The following GNAQ variants were observed in gnomAD, a reference collection of about 807,000 sequenced individuals.
GNAQ encodes G protein subunit alpha q.
In GNAQ, 8 loss-of-function variants were observed where a neutral mutation model predicts 43.9. The observed-to-expected ratio is 0.18, with a 90% CI of 0.11 to 0.33. The LOEUF is 0.33. Ranked by LOEUF, GNAQ falls within the 10% of genes least tolerant of loss-of-function variation. The pLI is 1.00. For missense variants in GNAQ, 158 were observed against 450.8 expected (o/e 0.35, Z 5.88); for synonymous variants, 155 against 170.7 (o/e 0.91, Z 0.71).
At chr9:77,791,554 T>C (rs1826574587) in intron 5 of GNAQ, among the ~76,000 whole-genome samples, 1 of 152,194 alleles carries the variant, frequency 6.6e-6, no homozygotes, top group Non-Finnish European at 1.5e-5. Flanking sequence ...CACTATTTGA[T>C]AATGTATTTC....
intron 1 of GNAQ, among the ~76,000 whole-genome samples, chr9:77,938,770 G>A (rs1829270867): frequency 6.6e-6 from 1 of 152,174 alleles, no homozygotes; most frequent in African/African-American, 2.4e-5. Context: ...GTGTTACGTT[G>A]TCAAACGCAT....
Position 77,772,618 on chromosome 9 carries a change from A to T in GNAQ, c.735+21845T>A, listed in dbSNP as rs539077695. Among the ~76,000 whole-genome samples, 13 of 152,332 alleles carry T rather than the reference A, an allele frequency of 8.5e-5. No individual in the cohort carries two copies. The South Asian group carries it at 2.7e-3, about 32-fold the overall frequency. ...TTTGAGGAGAAACAAAACAAAAATC[A>T]GAAGAGAGAAAGAGATTCCCAACCA... On this transcript the variant is annotated intron_variant, in intron 5 of 6. Transcript: ENST00000286548.
chr9:77,801,669 T>G (rs1224224680), intron 3 of GNAQ, among the ~76,000 whole-genome samples: 2 of 152,190 alleles, frequency 1.3e-5, no homozygotes, highest in Non-Finnish European at 2.9e-5. Context: ...TAAGAGGAAC[T>G]GTATCTAGCT....
intron 5 of GNAQ, among the ~76,000 whole-genome samples, chr9:77,771,515 G>A (rs1000341573): frequency 6.6e-6 from 1 of 151,754 alleles, no homozygotes; most frequent in Non-Finnish European, 1.5e-5. Flanking sequence ...TAAGTATCAC[G>A]TGCTCTGTGA....
chr9:77,756,233 C>A (rs555770614), intron 5 of GNAQ, among the ~76,000 whole-genome samples: 1 of 152,188 alleles, frequency 6.6e-6, no homozygotes, highest in Admixed American at 6.5e-5. Flanking sequence ...ATAAACTCCC[C>A]GTTATGTATA....
chr9:77,753,121 AG>A (rs1015269166), intron 5 of GNAQ, among the ~76,000 whole-genome samples: 3 of 151,762 alleles, frequency 2.0e-5, no homozygotes, highest in African/African-American at 7.3e-5. Flanking sequence ...AAGGAAAAAA[AG>A]AAGATTTAGT....
chr9:77,755,717 T>C (rs1825891722), intron 5 of GNAQ, among the ~76,000 whole-genome samples: 1 of 152,206 alleles, frequency 6.6e-6, no homozygotes, highest in Non-Finnish European at 1.5e-5. Flanking sequence ...ATTGGTGCAT[T>C]TCCGGTTGTA....
In GNAQ at chr9:77,887,172, A is replaced by G. The variant is rs546161629; in HGVS notation, c.321+34989T>C. ...TAAAGTAAAATAAAATAAAATATGC[A>G]GTTGCTTAGAGAAGCTGAGCAGGGT... On this transcript the variant is annotated intron_variant, in intron 2 of 6. Transcript: ENST00000286548. Among the ~76,000 whole-genome samples the G allele has an allele frequency of 1.6e-4, 24 of 152,234 alleles. No individual in the cohort carries two copies. The South Asian group carries it at 4.6e-3, about 29-fold the overall frequency.
At chr9:77,861,975 A>T (rs1827861626) in intron 2 of GNAQ, among the ~76,000 whole-genome samples, 1 of 145,060 alleles carries the variant, frequency 6.9e-6, no homozygotes, top group South Asian at 2.2e-4. Flanking sequence ...ACTGCACTCC[A>T]GCCTGGGGGA....
At chr9:77,815,294 T>A (rs766596469) in intron 3 of GNAQ, among the ~76,000 whole-genome samples, 16 of 152,182 alleles carry the variant, frequency 1.1e-4, no homozygotes, top group Non-Finnish European at 2.1e-4. Flanking sequence ...AGATTTCAAA[T>A]CACAATGGCA....
At chr9:78,012,143 G>A (rs1336716769) in intron 1 of GNAQ, among the ~76,000 whole-genome samples, 3 of 152,004 alleles carry the variant, frequency 2.0e-5, no homozygotes, top group Admixed American at 1.3e-4. Flanking sequence ...AATCTACTAC[G>A]TGGCAAGCAA....
intron 1 of GNAQ, among the ~76,000 whole-genome samples, chr9:78,028,886 T>C (rs1055417320): frequency 3.3e-5 from 5 of 151,012 alleles, no homozygotes; most frequent in Non-Finnish European, 4.4e-5. Context: ...ACTACAGAAA[T>C]AGTGTAAGTA....
chr9:77,774,894 A>G lies in GNAQ; in HGVS notation c.735+19569T>C, dbSNP rs191573488. Among the ~76,000 whole-genome samples the G allele has an allele frequency of 9.8e-5, 15 of 152,366 alleles. No individual in the cohort carries two copies. The East Asian group carries it at 2.7e-3, about 27-fold the overall frequency. ...AAAAATGCAGGTAAGTAAAATAAATAAAACATAAAAACAAAATGACCTTTA... is the reference window on the plus strand; with the variant it reads ...AAAAATGCAGGTAAGTAAAATAAATGAAACATAAAAACAAAATGACCTTTA... On this transcript the variant is annotated intron_variant, in intron 5 of 6. Transcript: ENST00000286548.
intron 1 of GNAQ, among the ~76,000 whole-genome samples, chr9:77,954,556 G>A (rs1416299820): frequency 6.6e-6 from 1 of 152,096 alleles, no homozygotes; most frequent in Non-Finnish European, 1.5e-5. Flanking sequence ...ATAATTTCCT[G>A]GCCAGTTTAA....
intron 3 of GNAQ, among the ~76,000 whole-genome samples, chr9:77,802,938 A>G (rs1826769078): frequency 6.6e-6 from 1 of 152,068 alleles, no homozygotes; most frequent in Non-Finnish European, 1.5e-5. Flanking sequence ...TTTTTTAAAA[A>G]AAGAAACCCC....
intron 1 of GNAQ, among the ~76,000 whole-genome samples, chr9:77,941,907 TACACACACACACACACACAC>T (rs10560776): frequency 2.1e-5 from 3 of 141,102 alleles, no homozygotes; most frequent in East Asian, 2.1e-4. Context: ...ACAACATACA[TACACACACACACACACACAC>T]ACACACACAC....
chr9:77,734,219 T>G (rs1250728218), intron 5 of GNAQ, among the ~76,000 whole-genome samples: 2 of 152,228 alleles, frequency 1.3e-5, no homozygotes, highest in African/African-American at 4.8e-5. Flanking sequence ...TTGCAACTCC[T>G]CATTATCTTG....
intron 1 of GNAQ, among the ~76,000 whole-genome samples, chr9:77,981,144 G>A (rs942365574): frequency 2.0e-5 from 3 of 152,038 alleles, no homozygotes; most frequent in African/African-American, 4.8e-5. Flanking sequence ...TATTATGTAA[G>A]CCTTTACTTT....
At chr9:77,913,286 G>A (rs1444945871) in intron 2 of GNAQ, among the ~76,000 whole-genome samples, 2 of 93,252 alleles carry the variant, frequency 2.1e-5, no homozygotes, top group African/African-American at 3.0e-5. Flanking sequence ...ATTTATAATA[G>A]GATATAATTA....
Sources: allele counts gnomAD v4.1 joint callset (sites outside exome capture counted in the v4.1 genomes callset), GRCh38; gene constraint gnomAD v4.1.1; transcripts MANE v1.5; gene names NCBI Gene and HGNC (gene_info 2026-07-23, HGNC 2026-07-21).